Variants in UNC13D observed in about 807,000 individuals in gnomAD.
UNC13D encodes protein unc-13 homolog D.
A neutral mutation model predicts 151.7 loss-of-function variants in UNC13D; 115 were observed. The observed-to-expected ratio is 0.76, with a 90% CI of 0.65 to 0.88. UNC13D has a LOEUF of 0.88. Among genes scored for constraint, UNC13D ranks in the 40% least tolerant of loss-of-function variants. UNC13D has a pLI of 0.00. For synonymous variants in UNC13D, 588 were observed against 612.2 expected (o/e 0.96, Z 0.58); for missense variants, 1,369 against 1,438.7 (o/e 0.95, Z 0.78).
At position 75,840,711 on chromosome 17, in the gene UNC13D, G is replaced by A. The variant is rs370430258; in HGVS notation, c.683+51C>T. 9.3e-6 allele frequency: 15 copies of A among 1,612,564 alleles called. No individual in the cohort carries two copies. In the African/African-American group the frequency reaches 1.6e-4, roughly 17 times the overall value. ...GCATCCAGTGTGCATGTTGGGGGAT[G>A]GAGGGCAAAAGGAGCCCCAACCCCT... On this transcript the variant is annotated intron_variant, in intron 8 of 31. Coordinates refer to ENST00000207549, the MANE Select transcript of UNC13D (RefSeq NM_199242.3). The surrounding 1 kb of genome is among the most constrained non-coding windows in gnomAD (Gnocchi z 4.6).
rs769027556 is a variant in UNC13D, at chr17:75,840,868, T to A, written c.615-38A>T. The A allele has an allele frequency of 8.1e-6, 13 of 1,613,544 alleles. No individual in the cohort carries two copies. The highest frequency in any genetic ancestry group is 6.6e-5 in the South Asian group (6 of 91,068). ...AGGTTTGAGAAGGAAGCAGAGAGAG[T>A]GCCTACGACCTCTTCCAGGAGGAGG... On this transcript the variant is annotated intron_variant, in intron 7 of 31. Coordinates refer to ENST00000207549, the MANE Select transcript of UNC13D (RefSeq NM_199242.3). This position sits in a 1 kb window ranked among gnomAD's most constrained non-coding sequence, Gnocchi z 4.6.
chr17:75,843,004 C>T lies in UNC13D; in HGVS notation c.321+10G>A, dbSNP rs750313281. 1 of 1,612,658 alleles carries T rather than the reference C, an allele frequency of 6.2e-7. No individual in the cohort carries two copies. The highest frequency in any genetic ancestry group is 2.2e-5 in the East Asian group (1 of 44,872). On this transcript the variant is annotated intron_variant, in intron 4 of 31. Coordinates refer to ENST00000207549, the MANE Select transcript of UNC13D (RefSeq NM_199242.3). ...CCTCCTTGCCCAGGGGGACCCTGGCCCCAGGTTACCTCAAGCTCCCTGACC... is the reference window on the plus strand; with the variant it reads ...CCTCCTTGCCCAGGGGGACCCTGGCTCCAGGTTACCTCAAGCTCCCTGACC...
chr17:75,828,778 C>T lies in UNC13D; in HGVS notation c.3151+9G>A. ...TCCCCGCACCACCCTGCCCTGGGCT[C>T]AGGCCTACCGTTGGGTGCGGGGTAC... On this transcript the variant is annotated intron_variant, in intron 31 of 31. Coordinates refer to ENST00000207549, the MANE Select transcript of UNC13D (RefSeq NM_199242.3). 6.5e-7 allele frequency: 1 copy of T among 1,529,758 alleles called. No individual in the cohort carries two copies. The highest frequency in any genetic ancestry group is 8.8e-7 in the Non-Finnish European group (1 of 1,137,502). The allele number at this position is 1,529,758 out of a possible 1,614,324, so 94.8% of individuals were successfully genotyped here. A position where few individuals can be genotyped will look rare whatever the true frequency, so the allele number is the denominator to read the frequency against.
rs1007029165 is a variant in UNC13D at position 75,835,397 on chromosome 17, C to T, written c.1848+12G>A. 3.1e-6 allele frequency: 5 copies of T among 1,610,158 alleles called. No homozygotes were observed. Among genetic ancestry groups the T allele is most frequent in the Non-Finnish European group, 4.2e-6 (5 of 1,179,306 alleles). On this transcript the variant is annotated intron_variant, in intron 20 of 31. Transcript: ENST00000207549. ...ACCGGGGCCCCGCCCCCTGCCCTGG[C>T]CACGCCCCCACCTCATCCATCTGCA...
Position 75,835,679 on chromosome 17 carries a change from C to T in UNC13D, c.1695G>A (p.Glu565=), listed in dbSNP as rs776025613. ...SLFQLYISLK[E]LCQLRMSSSE... ...AGGAGCTCATGCGCAGCTGGCAGAG[C>T]TCCTTGAGGCTGATGTAGAGCTGGA... The change falls in exon 19 of 32, where the codon GAG becomes GAA. Residue 565 remains glutamate (E), a synonymous_variant. Coordinates refer to ENST00000207549, the MANE Select transcript of UNC13D (RefSeq NM_199242.3). 1 of 1,613,490 alleles carries T rather than the reference C, an allele frequency of 6.2e-7. No individual in the cohort carries two copies. The highest frequency in any genetic ancestry group is 8.5e-7 in the Non-Finnish European group (1 of 1,180,042).
chr17:75,831,035 A>G lies in UNC13D; in HGVS notation c.2625+63T>C, dbSNP rs1248298560. 4 of 1,588,278 alleles carry G rather than the reference A, an allele frequency of 2.5e-6. No homozygotes were observed. In the African/African-American group the frequency reaches 5.4e-5, roughly 21 times the overall value. ...AAATTATGTAGCCGACCCTGGACAT[A>G]GGTGAGTGCCAAAAGGCAGGCTCCC... On this transcript the variant is annotated intron_variant, in intron 27 of 31. Coordinates refer to ENST00000207549, the MANE Select transcript of UNC13D (RefSeq NM_199242.3).
chr17:75,839,844 G>T lies in UNC13D; in HGVS notation c.1050C>A (p.Ser350=). The T allele has an allele frequency of 6.2e-7, 1 of 1,613,776 alleles. No homozygotes were observed. Among genetic ancestry groups the T allele is most frequent in the Non-Finnish European group, 8.5e-7 (1 of 1,179,990 alleles). The part of the protein sequence containing the change: ...TQKDLSDFHQ[S]MAQWLAYSRL... ...GCCCAGGGCTGTGTACTCACGCCAT[G>T]GACTGGTGGAAGTCGGATAGGTCCT... The change falls in exon 12 of 32, where the codon TCC becomes TCA. Residue 350 remains serine, a synonymous_variant. Transcript: ENST00000207549.
chr17:75,828,219 A>G (rs1376142799), intron 31 of UNC13D, 133 bp from the exon 32 acceptor site: 1 of 1,369,128 alleles, frequency 7.3e-7, no homozygotes, highest in African/African-American at 1.5e-5. Context: ...CAAGTGACAG[A>G]CCCGCGCCAG....
rs1476653243 is a variant in UNC13D at position 75,827,611 on chromosome 17, G to A, written c.*354C>T. The A allele has an allele frequency of 6.5e-7, 1 of 1,533,196 alleles. No homozygotes were observed. The highest frequency in any genetic ancestry group is 8.7e-7 in the Non-Finnish European group (1 of 1,146,736). The allele number at this position is 1,533,196 out of a possible 1,614,324, so 95.0% of individuals were successfully genotyped here. On this transcript the variant is annotated 3_prime_UTR_variant, in exon 32 of 32. Coordinates refer to ENST00000207549, the MANE Select transcript of UNC13D (RefSeq NM_199242.3). ...CCCACCCCAGTGGCTGGAACAGGAA[G>A]GCCAGGAGGCAGATGGGCCAGGGCC...
rs756588179 is a variant in UNC13D at position 75,830,622 on chromosome 17, G to A, written c.2665C>T (p.Arg889Trp). The A allele has an allele frequency of 8.3e-6, 13 of 1,557,620 alleles. No homozygotes were observed. The highest frequency in any genetic ancestry group is 4.7e-5 in the South Asian group (4 of 84,648). The change falls in exon 28 of 32, where the codon CGG becomes TGG. Residue 889 changes from arginine (R) to tryptophan (W), a missense_variant. This residue lies in a region of UNC13D where 807 missense variants were observed against 795.5 expected (regional missense o/e 1.01). Coordinates refer to ENST00000207549, the MANE Select transcript of UNC13D (RefSeq NM_199242.3). ...CAGAAGTACTTCCGGATGAGTTCCCGGCTGGAGGCCGCCTGCAGCTCCAGG... is the reference window on the plus strand; with the variant it reads ...CAGAAGTACTTCCGGATGAGTTCCCAGCTGGAGGCCGCCTGCAGCTCCAGG... ...RDLELQAASS[R>W]ELIRKYFCSR...
intron 12 of UNC13D, among the ~76,000 whole-genome samples, chr17:75,838,215 C>T (rs1163308981): frequency 6.6e-6 from 1 of 151,850 alleles, no homozygotes; most frequent in Non-Finnish European, 1.5e-5. Context: ...TGGCTGTGTC[C>T]CATCTCTTTT....
intron 19 of UNC13D, 38 bp from the exon 20 acceptor site, chr17:75,835,567 G>A: frequency 1.2e-6 from 2 of 1,606,910 alleles, no homozygotes; most frequent in East Asian, 4.5e-5. Flanking sequence ...GAAGGCTGGG[G>A]CCACCATGGA....
intron 13 of UNC13D, 23 bp from the exon 14 acceptor site, chr17:75,836,719 A>G (rs757428206): frequency 6.2e-7 from 1 of 1,613,492 alleles, no homozygotes; most frequent in East Asian, 2.2e-5. Flanking sequence ...GAGATGCTTT[A>G]GGGGCCTAGA....
rs772243717 is a variant in UNC13D at position 75,840,197 on chromosome 17, A to G, written c.858+28T>C. 52 of 1,612,956 alleles carry G rather than the reference A, an allele frequency of 3.2e-5. No individual in the cohort carries two copies. Among genetic ancestry groups the G allele is most frequent in the Non-Finnish European group, 4.2e-5 (50 of 1,179,342 alleles). On this transcript the variant is annotated intron_variant, in intron 10 of 31. Transcript: ENST00000207549. This position sits in a 1 kb window ranked among gnomAD's most constrained non-coding sequence, Gnocchi z 4.6. ...CAGCAGACCGCCGCAAGAGCTGGGC[A>G]TGGCCACTGGCCCAGTACCCGACCT...
Position 75,835,402 on chromosome 17 carries a change from C to T in UNC13D, c.1848+7G>A. On this transcript the variant is annotated splice_region_variant and intron_variant, in intron 20 of 31. Coordinates refer to ENST00000207549, the MANE Select transcript of UNC13D (RefSeq NM_199242.3). ...GGCCCCGCCCCCTGCCCTGGCCACG[C>T]CCCCACCTCATCCATCTGCACAGCG... 1.2e-6 allele frequency: 2 copies of T among 1,611,110 alleles called. No homozygotes were observed. The highest frequency in any genetic ancestry group is 1.7e-5 in the Admixed American group (1 of 59,964).
Position 75,840,103 on chromosome 17 carries a change from G to A in UNC13D, c.866C>T (p.Thr289Ile), listed in dbSNP as rs756152734. The A allele has an allele frequency of 1.9e-6, 3 of 1,612,764 alleles. No homozygotes were observed. Among genetic ancestry groups the A allele is most frequent in the South Asian group, 1.1e-5 (1 of 90,996 alleles). Residue 289 changes from threonine (T) to isoleucine (I), a missense_variant, in exon 11 of 32, where the codon ACT becomes ATT. Thr to Ile is a moderately conservative substitution (Grantham distance 89). Coordinates refer to ENST00000207549, the MANE Select transcript of UNC13D (RefSeq NM_199242.3). This position sits in a 1 kb window ranked among gnomAD's most constrained non-coding sequence, Gnocchi z 4.6. The stretch of plus-strand genomic sequence containing the variant: ...GCTCGGCTGCGAGCGGCTGGCCGAA[G>A]TGGCTCTCTGCAATGAGGCCTCTGT... The part of the protein sequence containing the change: ...QFQLIHKRRA[T>I]SASRSQPSYT...
At position 75,833,551 on chromosome 17, in the gene UNC13D, T is replaced by A. The variant is rs562281684; in HGVS notation, c.2368-506A>T. Among the ~76,000 whole-genome samples, 1 of 152,348 alleles carries A rather than the reference T, an allele frequency of 6.6e-6. No homozygotes were observed. The highest frequency in any genetic ancestry group is 1.5e-5 in the Non-Finnish European group (1 of 68,036). ...TAACAGCTATAACTATCACTATAGT[T>A]ATGGATACTCACTATGTAGCTCTTT... On this transcript the variant is annotated intron_variant, in intron 24 of 31. Coordinates refer to ENST00000207549, the MANE Select transcript of UNC13D (RefSeq NM_199242.3). The surrounding 1 kb of genome is among the most constrained non-coding windows in gnomAD (Gnocchi z 4.0).
At chr17:75,835,183 A>G in intron 20 of UNC13D, 120 bp from the exon 21 acceptor site, 1 of 1,520,520 alleles carries the variant, frequency 6.6e-7, no homozygotes, top group Non-Finnish European at 8.9e-7. Flanking sequence ...CACAAGAGAC[A>G]AGCACGGCTC....
rs751157590 is a variant in UNC13D, at chr17:75,828,870, C to T, written c.3068G>A (p.Arg1023His). ...DLEGEAFLPL[R>H]EVPGLSGSEE... The stretch of plus-strand genomic sequence containing the variant: ...AGAGCCACTCAGCCCGGGCACCTCA[C>T]GCAGCGGCAGGAAGGCCTCGCCTTC... Residue 1023 changes from arginine to histidine, a missense_variant, in exon 31 of 32, where the codon CGT (arginine) becomes CAT (histidine). By Grantham distance (29) the Arg-to-His change is conservative (BLOSUM62 0). Around this residue, in one of 3 missense-constraint regions of UNC13D, gnomAD observed 807 missense variants for 795.5 expected, o/e 1.01. Transcript: ENST00000207549. The T allele has an allele frequency of 3.2e-5, 52 of 1,601,602 alleles. No homozygotes were observed. The highest frequency in any genetic ancestry group is 2.9e-4 in the East Asian group (13 of 44,562).
Sources: gnomAD v4.1 joint callset for allele counts (sites outside exome capture counted in the v4.1 genomes callset) on GRCh38, gnomAD v4.1.1 for gene constraint, gnomAD v4.1.1 regional missense constraint, Gnocchi (gnomAD v3.1) non-coding constraint, MANE v1.5 for transcripts, NCBI Gene and HGNC (gene_info 2026-07-23, HGNC 2026-07-21) for gene names.